AUTS2: variants seen among roughly 807,000 people sequenced by gnomAD.
AUTS2 encodes the protein autism susceptibility gene 2 protein.
Under a neutral mutation model 112.4 loss-of-function variants are expected in AUTS2, and 17 were observed. The ratio of observed to expected loss-of-function variants is 0.15; its 90% CI spans 0.10 to 0.23. The LOEUF is 0.23. AUTS2 is among the 10% of genes least tolerant of loss of function. The pLI, the probability that AUTS2 is intolerant of heterozygous loss-of-function variation, is 1.00. For synonymous variants in AUTS2, 751 were observed against 702.7 expected (o/e 1.07, Z -1.09); for missense variants, 1,510 against 1,701.6 (o/e 0.89, Z 1.98).
At chr7:69,955,792 G>A (rs1433566265) in intron 2 of AUTS2, among the ~76,000 whole-genome samples, 1 of 152,102 alleles carries the variant, frequency 6.6e-6, no homozygotes, top group Non-Finnish European at 1.5e-5. Context: ...CTCTGGATTG[G>A]CCACTGTGGG....
At chr7:70,496,523 CCA>C (rs1466513722) in intron 5 of AUTS2, among the ~76,000 whole-genome samples, 3 of 125,548 alleles carry the variant, frequency 2.4e-5, no homozygotes, top group South Asian at 2.9e-4. Flanking sequence ...ATCACACACC[CCA>C]CTCACACACA....
intron 1 of AUTS2, among the ~76,000 whole-genome samples, chr7:69,745,838 G>C (rs1016830646): frequency 3.9e-5 from 6 of 152,202 alleles, no homozygotes; most frequent in South Asian, 2.1e-4. Flanking sequence ...TTGTGTTACT[G>C]ATAATGAAAA....
intron 1 of AUTS2, among the ~76,000 whole-genome samples, chr7:69,879,381 C>A (rs2129537287): frequency 6.6e-6 from 1 of 151,306 alleles, no homozygotes; most frequent in Middle Eastern, 3.4e-3. Flanking sequence ...ACCTCCTGGG[C>A]TCAAGTCATC....
At chr7:70,719,638 A>G (rs138702442) in intron 6 of AUTS2, among the ~76,000 whole-genome samples, 95 of 152,068 alleles carry the variant, frequency 6.2e-4, no homozygotes, top group African/African-American at 2.1e-3. Context: ...TAATTTATGT[A>G]TTTTTAGTAG....
chr7:70,356,201 T>C (rs1792001174), intron 4 of AUTS2, among the ~76,000 whole-genome samples: 1 of 152,184 alleles, frequency 6.6e-6, no homozygotes, highest in Non-Finnish European at 1.5e-5. Context: ...TCTAGATTTC[T>C]TTCCTGCTTC....
intron 14 of AUTS2, among the ~76,000 whole-genome samples, chr7:70,781,205 A>G (rs929668310): frequency 6.6e-6 from 1 of 151,956 alleles, no homozygotes; most frequent in Non-Finnish European, 1.5e-5. Context: ...GACAAAAAAT[A>G]CAAAAATTAA....
intron 4 of AUTS2, among the ~76,000 whole-genome samples, chr7:70,408,322 G>A (rs1794630674): frequency 6.6e-6 from 1 of 152,190 alleles, no homozygotes; most frequent in African/African-American, 2.4e-5. Flanking sequence ...TTCATAGGGT[G>A]AGCTCAGTGA....
intron 4 of AUTS2, among the ~76,000 whole-genome samples, chr7:70,195,275 A>G (rs1219903849): frequency 1.2e-4 from 19 of 152,210 alleles, no homozygotes; most frequent in Admixed American, 1.1e-3. Context: ...TGCCTTTGAT[A>G]TGACACCTAC....
intron 3 of AUTS2, among the ~76,000 whole-genome samples, chr7:70,123,676 G>A (rs1805808488): frequency 6.6e-6 from 1 of 152,114 alleles, no homozygotes; most frequent in Admixed American, 6.5e-5. Context: ...CAAAAGACAT[G>A]ATCTTGTTGA....
At chr7:70,377,329 T>TATAA (rs1793140029) in intron 4 of AUTS2, among the ~76,000 whole-genome samples, 1 of 21,188 alleles carries the variant, frequency 4.7e-5, no homozygotes, top group Non-Finnish European at 9.3e-5. Flanking sequence ...AATATAAATA[T>TATAA]ATATATATAT....
chr7:69,865,939 C>T (rs969248224), intron 1 of AUTS2, among the ~76,000 whole-genome samples: 16 of 152,132 alleles, frequency 1.1e-4, no homozygotes, highest in African/African-American at 3.4e-4. Flanking sequence ...TTACGTTTTC[C>T]ATGTCTTCCT....
chr7:70,393,763 C>G (rs1236852956), intron 4 of AUTS2, among the ~76,000 whole-genome samples: 1 of 152,142 alleles, frequency 6.6e-6, no homozygotes, highest in African/African-American at 2.4e-5. Context: ...CCCCTTTCAA[C>G]CTTTAATACC....
At chr7:69,712,615 A>G (rs997044256) in intron 1 of AUTS2, among the ~76,000 whole-genome samples, 15 of 152,282 alleles carry the variant, frequency 9.9e-5, no homozygotes, top group South Asian at 2.1e-4. Context: ...TTGTTTATCT[A>G]TTTTTAAATT....
At chr7:70,011,003 A>G (rs1282632496) in intron 2 of AUTS2, among the ~76,000 whole-genome samples, 1 of 152,216 alleles carries the variant, frequency 6.6e-6, no homozygotes, top group Non-Finnish European at 1.5e-5. Context: ...TGATTTGGTC[A>G]TCAGGCATAA....
At chr7:69,655,983 G>A (rs1177085514) in intron 1 of AUTS2, among the ~76,000 whole-genome samples, 1 of 152,226 alleles carries the variant, frequency 6.6e-6, no homozygotes, top group Non-Finnish European at 1.5e-5. Context: ...CCTTAGCAAT[G>A]CTGCTGATGT....
At chr7:69,807,728 G>A (rs1174145666) in intron 1 of AUTS2, among the ~76,000 whole-genome samples, 1 of 152,112 alleles carries the variant, frequency 6.6e-6, no homozygotes, top group African/African-American at 2.4e-5. Flanking sequence ...TTCTAAGATG[G>A]CTCATTCATA....
intron 2 of AUTS2, among the ~76,000 whole-genome samples, chr7:70,090,926 A>G (rs1270200093): frequency 6.6e-6 from 1 of 151,938 alleles, no homozygotes; most frequent in African/African-American, 2.4e-5. Context: ...TAATCTGCCC[A>G]CCTCTGCCTC....
intron 2 of AUTS2, among the ~76,000 whole-genome samples, chr7:70,045,406 C>A (rs1268815329): frequency 6.6e-6 from 1 of 151,912 alleles, no homozygotes; most frequent in African/African-American, 2.4e-5. Flanking sequence ...TTTATAGGTC[C>A]TCTTTAATCA....
chr7:69,753,758 AT>A (rs1787837122), intron 1 of AUTS2, among the ~76,000 whole-genome samples: 1 of 152,190 alleles, frequency 6.6e-6, no homozygotes, highest in African/African-American at 2.4e-5. Context: ...CTCAAGGAAG[AT>A]TTGTATCCAC....
Sources: allele counts gnomAD v4.1 joint callset (sites outside exome capture counted in the v4.1 genomes callset), GRCh38; gene constraint gnomAD v4.1.1; transcripts MANE v1.5; gene names NCBI Gene and HGNC (gene_info 2026-07-23, HGNC 2026-07-21).